The following HOXC4 variants were observed in gnomAD, a reference collection of about 807,000 sequenced individuals.
HOXC4 encodes the protein homeobox protein Hox-C4.
Under a neutral mutation model 25.5 loss-of-function variants are expected in HOXC4, and 15 were observed. The observed-to-expected ratio is 0.59, with a 90% CI of 0.39 to 0.91. HOXC4 has a LOEUF of 0.91. Among genes scored for constraint, HOXC4 ranks in the 40% least tolerant of loss-of-function variants. The probability of loss-of-function intolerance (pLI) is 0.00; values close to 1 mark genes in which losing one functional copy is unlikely to be tolerated. For synonymous variants in HOXC4, 165 were observed against 148.0 expected (o/e 1.11, Z -0.83); for missense variants, 342 against 352.4 (o/e 0.97, Z 0.24).
intron 1 of HOXC4, among the ~76,000 whole-genome samples, chr12:54,031,748 A>G (rs953230799): frequency 2.0e-5 from 3 of 152,094 alleles, no homozygotes; most frequent in African/African-American, 7.2e-5. Flanking sequence ...GGCGGGGCGG[A>G]GATTTCCTGG....
intron 1 of HOXC4, among the ~76,000 whole-genome samples, chr12:54,025,440 CG>C (rs1940648302): frequency 6.7e-6 from 1 of 150,014 alleles, no homozygotes; most frequent in Non-Finnish European, 1.5e-5. Context: ...CCCCTTGGAG[CG>C]AATCCTTTCA....
chr12:54,018,035 G>T (rs1940238634), intron 1 of HOXC4, among the ~76,000 whole-genome samples: 1 of 152,228 alleles, frequency 6.6e-6, no homozygotes, highest in African/African-American at 2.4e-5. Flanking sequence ...GCAATTAGGG[G>T]GGAGGCTGGT....
intron 1 of HOXC4, chr12:54,022,601 G>A (rs1940500435): frequency 6.6e-6 from 1 of 152,006 alleles, no homozygotes; most frequent in Non-Finnish European, 1.5e-5. Context: ...AGGGAAATGA[G>A]GATGCTGTTT....
At chr12:54,026,463 AT>A (rs1035450583) in intron 1 of HOXC4, among the ~76,000 whole-genome samples, 5 of 152,152 alleles carry the variant, frequency 3.3e-5, no homozygotes, top group Admixed American at 6.5e-5. Flanking sequence ...CTCATCTAAA[AT>A]TTTTTTTCTT....
chr12:54,029,584 T>C (rs781712804), intron 1 of HOXC4: 1 of 1,516,212 alleles, frequency 6.6e-7, no homozygotes, highest in Non-Finnish European at 9.0e-7. Context: ...GTCAGGACTT[T>C]GCTAGGCGAA....
chr12:54,024,215 C>T (rs1400004353), intron 1 of HOXC4, among the ~76,000 whole-genome samples: 1 of 152,046 alleles, frequency 6.6e-6, no homozygotes, highest in Non-Finnish European at 1.5e-5. Context: ...CCGTTCTTCT[C>T]TTGCTCAGAA....
At chr12:54,025,367 G>C (rs1940644111) in intron 1 of HOXC4, among the ~76,000 whole-genome samples, 2 of 152,050 alleles carry the variant, frequency 1.3e-5, no homozygotes, top group Non-Finnish European at 2.9e-5. Flanking sequence ...AAATTAACAT[G>C]AAATGGGAAA....
chr12:54,054,527 G>A (rs1195607502), intron 1 of HOXC4, among the ~76,000 whole-genome samples, 166 bp downstream of exon 1: 4 of 151,862 alleles, frequency 2.6e-5, no homozygotes, highest in Non-Finnish European at 5.9e-5. Context: ...GCGAGAATGG[G>A]TAATTACATC....
At chr12:54,021,128 C>T (rs1487814714) in intron 1 of HOXC4, 1 of 152,566 alleles carries the variant, frequency 6.6e-6, no homozygotes, top group Non-Finnish European at 1.5e-5. Context: ...CTTGGAGAAG[C>T]TTGTGGAAAA....
At chr12:54,053,739 A>C (rs979651109), upstream of HOXC4, 33 of 575,720 alleles carry the variant, frequency 5.7e-5, no homozygotes, top group Middle Eastern at 4.6e-4. Context: ...CACACACACA[A>C]AAAAATTGGA....
upstream of HOXC4, among the ~76,000 whole-genome samples, chr12:54,051,125 C>T (rs149924867): frequency 1.2e-3 from 182 of 152,102 alleles, no homozygotes; most frequent in African/African-American, 4.2e-3. Flanking sequence ...CGTCAGGGCA[C>T]GGATGGTAAA....
intron 1 of HOXC4, chr12:54,028,965 G>A: frequency 6.5e-7 from 1 of 1,542,114 alleles, no homozygotes; most frequent in Non-Finnish European, 8.7e-7. Context: ...AAACTGAACT[G>A]GCTTTATGAC....
intron 1 of HOXC4, chr12:54,017,433 G>A (rs528275436): frequency 2.3e-4 from 35 of 150,382 alleles, no homozygotes; most frequent in African/African-American, 8.8e-4. Context: ...TTCCTTATTG[G>A]TTCAAATATG....
Position 54,042,122 on chromosome 12 carries a change from G to A in HOXC4, c.-123-11038G>A, listed in dbSNP as rs182891193. Among the ~76,000 whole-genome samples the A allele has an allele frequency of 3.0e-3, 454 of 152,134 alleles. 4 individuals carry two copies. The highest frequency in any genetic ancestry group is 0.011 in the African/African-American group (437 of 41,506). On this transcript the variant is annotated intron_variant, in intron 1 of 3. Transcript: ENST00000303406. Reference sequence around the variant, plus strand: ...GCCTCCTGAGTAGCTGGGATTAGAGGCATGCACCACCACGCCTGGCTAATT... The same window carrying A: ...GCCTCCTGAGTAGCTGGGATTAGAGACATGCACCACCACGCCTGGCTAATT...
upstream of HOXC4, chr12:54,053,346 C>A (rs1937890830): frequency 6.5e-6 from 1 of 152,866 alleles, no homozygotes; most frequent in Non-Finnish European, 1.5e-5. Context: ...GGCTCTCCAG[C>A]CTCCTCGGCT....
At position 54,033,727 on chromosome 12, in the gene HOXC4, G is replaced by A. The variant is rs1941083017; in HGVS notation, c.-124+16313G>A. On this transcript the variant is annotated intron_variant, in intron 1 of 3. Transcript: ENST00000303406. ...CTGTCCACTAAAAGGCTTAGAGGCT[G>A]TGTGCGCCCAAATTTACGACGACAT... 4 of 672,248 alleles carry A rather than the reference G, an allele frequency of 6.0e-6. No individual in the cohort carries two copies. In the South Asian group the frequency reaches 8.1e-5, roughly 14 times the overall value. 41.6% of individuals were successfully genotyped at this position (672,248 alleles called of 1,614,324 possible).
At chr12:54,049,819 C>T (rs1937804847), upstream of HOXC4, among the ~76,000 whole-genome samples, 1 of 147,868 alleles carries the variant, frequency 6.8e-6, no homozygotes, top group Non-Finnish European at 1.5e-5. Flanking sequence ...GGGCTATGAG[C>T]CTTGATTTAG....
intron 1 of HOXC4, chr12:54,034,929 T>G: frequency 4.9e-6 from 1 of 204,986 alleles, no homozygotes; most frequent in East Asian, 1.1e-4. Context: ...CTGGACGGGT[T>G]AGACAGCCAA....
At chr12:54,033,638 G>A (rs953011626) in intron 1 of HOXC4, 3 of 1,352,164 alleles carry the variant, frequency 2.2e-6, no homozygotes, top group African/African-American at 1.5e-5. Context: ...GCCATGCGGG[G>A]CAAATAAAGA....
Sources: allele counts gnomAD v4.1 joint callset (sites outside exome capture counted in the v4.1 genomes callset), GRCh38; gene constraint gnomAD v4.1.1; transcripts MANE v1.5; gene names NCBI Gene and HGNC (gene_info 2026-07-23, HGNC 2026-07-21).